Variants in SGCZ observed in about 807,000 individuals in gnomAD.
SGCZ encodes the protein zeta-sarcoglycan.
SGCZ carries 40 observed loss-of-function variants against 41.3 expected under a neutral mutation model. The observed-to-expected ratio is 0.97, with a 90% CI of 0.75 to 1.26. SGCZ has a LOEUF of 1.26. Ranked by LOEUF, SGCZ falls within the 50% of genes most tolerant of loss-of-function variation. SGCZ has a pLI of 0.00. For synonymous variants in SGCZ, 206 were observed against 137.5 expected, an observed-to-expected ratio of 1.50 and a Z score of -3.49; for missense variants, 552 against 369.8, an observed-to-expected ratio of 1.49 and a Z score of -4.04.
intron 1 of SGCZ, among the ~76,000 whole-genome samples, chr8:14,651,880 G>A (rs561696730): frequency 6.6e-6 from 1 of 151,894 alleles, no homozygotes; most frequent in Admixed American, 6.6e-5. Flanking sequence ...TCAGAAAATT[G>A]AGAGTCAGCA....
chr8:14,189,397 T>C (rs1805018134), intron 4 of SGCZ, among the ~76,000 whole-genome samples: 1 of 152,228 alleles, frequency 6.6e-6, no homozygotes, highest in Non-Finnish European at 1.5e-5. Context: ...CAACACGGTC[T>C]GGAAGACCTC....
intron 1 of SGCZ, among the ~76,000 whole-genome samples, chr8:14,946,443 G>C (rs1427862283): frequency 6.6e-6 from 1 of 151,928 alleles, no homozygotes; most frequent in Admixed American, 6.6e-5. Flanking sequence ...GGTGGTTTTT[G>C]CACACATTAG....
chr8:14,941,873 T>C (rs74669262), intron 1 of SGCZ, among the ~76,000 whole-genome samples: 14,169 of 151,488 alleles, frequency 0.094, 770 homozygotes, highest in South Asian at 0.14. Flanking sequence ...TTATTCTATA[T>C]TTTATATATA....
intron 4 of SGCZ, among the ~76,000 whole-genome samples, chr8:14,177,741 G>A (rs577388546): frequency 1.4e-5 from 2 of 146,344 alleles, no homozygotes; most frequent in African/African-American, 2.5e-5. Flanking sequence ...AGCCAGGATG[G>A]TCTCGATCTC....
At chr8:14,221,537 G>A (rs1039915909) in intron 4 of SGCZ, among the ~76,000 whole-genome samples, 15 of 152,176 alleles carry the variant, frequency 9.9e-5, no homozygotes, top group Admixed American at 9.8e-4. Flanking sequence ...ACATATTGCA[G>A]TTTCGACATA....
intron 1 of SGCZ, among the ~76,000 whole-genome samples, chr8:14,815,080 T>A (rs1302856732): frequency 1.3e-5 from 2 of 152,218 alleles, no homozygotes; most frequent in African/African-American, 4.8e-5. Context: ...TGGAGCAATT[T>A]GTCCCAACAT....
chr8:14,824,766 A>G (rs377138509), intron 1 of SGCZ, among the ~76,000 whole-genome samples: 3 of 152,224 alleles, frequency 2.0e-5, no homozygotes, highest in African/African-American at 7.2e-5. Context: ...ATCCCAAAAT[A>G]TCTTCTACAT....
chr8:14,549,501 G>T (rs1803734899), intron 2 of SGCZ, among the ~76,000 whole-genome samples: 1 of 151,972 alleles, frequency 6.6e-6, no homozygotes, highest in Non-Finnish European at 1.5e-5. Flanking sequence ...TACTGAAAGT[G>T]AACCTACACT....
At chr8:14,214,097 A>T (rs1380933030) in intron 4 of SGCZ, among the ~76,000 whole-genome samples, 1 of 152,152 alleles carries the variant, frequency 6.6e-6, no homozygotes, top group Non-Finnish European at 1.5e-5. Flanking sequence ...GCTACCACCA[A>T]GTATTAATTC....
chr8:15,212,046 C>G (rs1311838599), intron 1 of SGCZ, among the ~76,000 whole-genome samples: 1 of 152,098 alleles, frequency 6.6e-6, no homozygotes, highest in East Asian at 1.9e-4. Context: ...TCACAATACT[C>G]AGACGTTCGT....
At chr8:14,863,784 G>A (rs1372285445) in intron 1 of SGCZ, among the ~76,000 whole-genome samples, 1 of 152,136 alleles carries the variant, frequency 6.6e-6, no homozygotes, top group Non-Finnish European at 1.5e-5. Flanking sequence ...CTAAGTAGAT[G>A]AAATTATCCA....
chr8:14,365,211 C>G (rs1803657217), intron 2 of SGCZ, among the ~76,000 whole-genome samples: 1 of 151,940 alleles, frequency 6.6e-6, no homozygotes, highest in East Asian at 1.9e-4. Context: ...AGATTTTATA[C>G]TTTATTATAC....
rs568766018 is a variant in SGCZ, at chr8:14,845,361, T to A, written c.40-290435A>T. 2.6e-5 allele frequency among the ~76,000 whole-genome samples: 4 copies of A among 152,208 alleles called. No individual in the cohort carries two copies. The South Asian group carries it at 8.3e-4, about 32-fold the overall frequency. The stretch of plus-strand genomic sequence containing the variant: ...ATAACAATGTTTCTACATAACTCAG[T>A]TGTATACCAAACAAAGCTTTTTGTT... On this transcript the variant is annotated intron_variant, in intron 1 of 7. Transcript: ENST00000382080.
At chr8:14,921,764 G>A (rs4645560) in intron 1 of SGCZ, among the ~76,000 whole-genome samples, 152,061 of 152,316 alleles carry the variant, frequency 1, 75,903 homozygotes, top group Middle Eastern at 1. Context: ...CATAGATTTT[G>A]TTACAATTTA....
rs901983537 is a variant in SGCZ at position 15,027,229 on chromosome 8, T to A, written c.39+210356A>T. On this transcript the variant is annotated intron_variant, in intron 1 of 7. Transcript: ENST00000382080. ...ACAATATGTACTGACATTTTTGAAA[T>A]TCCAGGAAGTTCTAGAATAAACAAA... is the stretch of plus-strand genomic sequence containing the variant. Among the ~76,000 whole-genome samples the A allele has an allele frequency of 4.6e-5, 7 of 152,238 alleles. No individual in the cohort carries two copies. The East Asian group carries it at 1.2e-3, about 25-fold the overall frequency.
At chr8:14,195,179 T>C (rs959688324) in intron 4 of SGCZ, among the ~76,000 whole-genome samples, 1 of 152,004 alleles carries the variant, frequency 6.6e-6, no homozygotes, top group African/African-American at 2.4e-5. Flanking sequence ...CATGCATAAA[T>C]GGACATTAAA....
chr8:14,723,170 AAAC>A (rs1406118464), intron 1 of SGCZ, among the ~76,000 whole-genome samples: 2 of 152,222 alleles, frequency 1.3e-5, no homozygotes, highest in Non-Finnish European at 2.9e-5. Context: ...CCATGGAAAG[AAAC>A]AGGGATTTTG....
intron 1 of SGCZ, among the ~76,000 whole-genome samples, chr8:14,846,665 T>G (rs1390501610): frequency 6.9e-6 from 1 of 145,958 alleles, no homozygotes; most frequent in Non-Finnish European, 1.5e-5. Flanking sequence ...TCTGTATATA[T>G]TTCAACAAAT....
chr8:14,212,804 A>G (rs1585237494), intron 4 of SGCZ, among the ~76,000 whole-genome samples: 2 of 152,304 alleles, frequency 1.3e-5, no homozygotes, highest in East Asian at 3.9e-4. Flanking sequence ...AACTGTTTCA[A>G]TAAGCAACTA....
Sources: gnomAD v4.1 joint callset for allele counts (sites outside exome capture counted in the v4.1 genomes callset) on GRCh38, gnomAD v4.1.1 for gene constraint, MANE v1.5 for transcripts, NCBI Gene and HGNC (gene_info 2026-07-23, HGNC 2026-07-21) for gene names.